The following ZNF384 variants were observed in gnomAD, a reference collection of about 807,000 sequenced individuals.
ZNF384 encodes CAG repeat protein 1.
A neutral mutation model predicts 65.0 loss-of-function variants in ZNF384; 20 were observed. The observed-to-expected ratio is 0.31, with a 90% CI of 0.22 to 0.45. ZNF384 has a LOEUF of 0.45. Among genes scored for constraint, ZNF384 ranks in the 20% least tolerant of loss-of-function variants. The pLI is 1.00. For missense variants in ZNF384, 549 were observed against 769.4 expected (o/e 0.71, Z 3.39); for synonymous variants, 310 against 303.9 (o/e 1.02, Z -0.21).
rs1477597948 is a variant in ZNF384, at chr12:6,672,387, C to T, written c.1150G>A (p.Ala384Thr). 1.2e-6 allele frequency: 2 copies of T among 1,613,962 alleles called. No individual in the cohort carries two copies. The highest frequency in any genetic ancestry group is 1.7e-4 in the Middle Eastern group (1 of 6,058). Residue 384 changes from alanine to threonine, a missense_variant, in exon 9 of 12, where the codon GCC becomes ACC. Physicochemically the swap from Ala to Thr is moderately conservative, Grantham distance 58. This residue lies in a region of ZNF384 where 59 missense variants were observed against 63.6 expected (regional missense o/e 0.93). Transcript: ENST00000683879. This position sits in a 1 kb window ranked among gnomAD's most constrained non-coding sequence, Gnocchi z 4.4. Reference sequence around the variant, plus strand: ...TGGAGGTGGGAGAGCTGGCGGAAGGCCTTCTGGCAGTAGGAACAGTTGTAG... The same window carrying T: ...TGGAGGTGGGAGAGCTGGCGGAAGGTCTTCTGGCAGTAGGAACAGTTGTAG... Reference protein sequence around the residue: ...KPYNCSYCQKAFRQLSHLQQH... With the variant: ...KPYNCSYCQKTFRQLSHLQQH...
rs1178539044 is a variant in ZNF384 at position 6,677,305 on chromosome 12, A to G, written c.687-46T>C. ...CCCATCTGGGTACACTAAGGAACTA[A>G]GGACAGACCCAGACTCCCAGCCATG... On this transcript the variant is annotated intron_variant, in intron 6 of 11. Coordinates refer to ENST00000683879, the MANE Select transcript of ZNF384 (RefSeq NM_001385745.1). 2.3e-6 allele frequency: 3 copies of G among 1,285,890 alleles called. No homozygotes were observed. In the Admixed American group the frequency reaches 7.7e-5, roughly 33 times the overall value. The allele number at this position is 1,285,890 out of a possible 1,614,324, so 79.7% of individuals were successfully genotyped here.
chr12:6,678,063 G>A lies in ZNF384; in HGVS notation c.686+64C>T. ...CCTGACCGGGGCAGAACACAATGAG[G>A]GTACAGGGAGAATCACCAAGCCAGG... On this transcript the variant is annotated intron_variant, in intron 6 of 11. Transcript: ENST00000683879. The surrounding 1 kb of genome is among the most constrained non-coding windows in gnomAD (Gnocchi z 4.9). 2 of 1,469,790 alleles carry A rather than the reference G, an allele frequency of 1.4e-6. No homozygotes were observed. The highest frequency in any genetic ancestry group is 1.9e-6 in the Non-Finnish European group (2 of 1,069,278). The allele number at this position is 1,469,790 out of a possible 1,614,324, so 91.0% of individuals were successfully genotyped here.
At chr12:6,689,052 G>A (rs1322836018) in intron 1 of ZNF384, 46 bp downstream of exon 1, 3 of 152,446 alleles carry the variant, frequency 2.0e-5, no homozygotes, top group Admixed American at 1.3e-4. Context: ...GAGGGGGGAG[G>A]AGCAAGCAGC....
chr12:6,678,973 C>T lies in ZNF384; in HGVS notation c.277G>A (p.Val93Met). 1.2e-6 allele frequency: 2 copies of T among 1,614,016 alleles called. No individual in the cohort carries two copies. The highest frequency in any genetic ancestry group is 1.7e-6 in the Non-Finnish European group (2 of 1,179,966). Residue 93 changes from valine (V) to methionine (M), a missense_variant, in exon 4 of 12, where the codon GTG becomes ATG. By Grantham distance (21) the Val-to-Met change is conservative. Coordinates refer to ENST00000683879, the MANE Select transcript of ZNF384 (RefSeq NM_001385745.1). This position sits in a 1 kb window ranked among gnomAD's most constrained non-coding sequence, Gnocchi z 4.9. The part of the protein sequence containing the change: ...SVTQNITVVP[V>M]PSTGLMTAGV... Reference sequence around the variant, plus strand: ...GCAGTCATCAGTCCTGTAGACGGCACAGGGACCACCGTGATATTCTGGGTA... The same window carrying T: ...GCAGTCATCAGTCCTGTAGACGGCATAGGGACCACCGTGATATTCTGGGTA...
chr12:6,686,539 C>A (rs369232913), intron 2 of ZNF384, among the ~76,000 whole-genome samples: 1 of 152,228 alleles, frequency 6.6e-6, no homozygotes, highest in South Asian at 2.1e-4. Flanking sequence ...CAGGCGTAAG[C>A]CACCGTGCCC....
rs781364024 is a variant in ZNF384 at position 6,667,993 on chromosome 12, CTGAGCCTGGGCTTGAGCT to C, written c.1530_1547del (p.Gln522_Ala527del). 6.2e-6 allele frequency: 10 copies of C among 1,612,842 alleles called. No individual in the cohort carries two copies. In the East Asian group the frequency reaches 2.0e-4, roughly 32 times the overall value. On this transcript the variant is annotated inframe_deletion, in exon 12 of 12. Transcript: ENST00000683879. ...CCTGGGCCTGGGCTTGAGCCTGAGCCTGAGCCTGGGCTTGAGCTTGAGCCTGGGCCTGGGCCACTGCTG... is the reference window on the plus strand; with the variant it reads ...CCTGGGCCTGGGCTTGAGCCTGAGCCTGAGCCTGGGCCTGGGCCACTGCTG...
intron 2 of ZNF384, among the ~76,000 whole-genome samples, chr12:6,683,885 C>T (rs180911261): frequency 4.6e-5 from 7 of 152,040 alleles, no homozygotes; most frequent in South Asian, 4.2e-4. Flanking sequence ...GGCATGGTGG[C>T]GCACGCCTGT....
At chr12:6,669,003 G>A (rs1169377326) in intron 11 of ZNF384, 28 bp downstream of exon 11, 1 of 1,581,644 alleles carries the variant, frequency 6.3e-7, no homozygotes, top group Non-Finnish European at 8.6e-7. Flanking sequence ...AGGACTATGA[G>A]GAAGGAGAGA....
At chr12:6,670,691 A>T in intron 10 of ZNF384, 69 bp downstream of exon 10, 1 of 1,464,698 alleles carries the variant, frequency 6.8e-7, no homozygotes, top group Non-Finnish European at 9.6e-7. Context: ...AACATTTGAG[A>T]ACCACGATAC....
In ZNF384 at chr12:6,678,484, T is replaced by C; in HGVS notation, c.353-24A>G. ...ACCTAGGATTGGGAGAAAAAGGAGA[T>C]GGCGTCATGTTGTTCAGTCCTGATC... is the stretch of plus-strand genomic sequence containing the variant. On this transcript the variant is annotated intron_variant, in intron 5 of 11. Coordinates refer to ENST00000683879, the MANE Select transcript of ZNF384 (RefSeq NM_001385745.1). This position sits in a 1 kb window ranked among gnomAD's most constrained non-coding sequence, Gnocchi z 4.9. 6.4e-7 allele frequency: 1 copy of C among 1,563,366 alleles called. No individual in the cohort carries two copies. Among genetic ancestry groups the C allele is most frequent in the Non-Finnish European group, 8.7e-7 (1 of 1,150,652 alleles).
At chr12:6,689,544 C>G (rs1959174505), upstream of ZNF384, 1 of 152,294 alleles carries the variant, frequency 6.6e-6, no homozygotes, top group Admixed American at 6.5e-5. Context: ...GAAAGAGGGG[C>G]GTGCAGAAGC....
At chr12:6,681,959 T>A (rs894924711) in intron 2 of ZNF384, among the ~76,000 whole-genome samples, 1 of 152,088 alleles carries the variant, frequency 6.6e-6, no homozygotes, top group Non-Finnish European at 1.5e-5. Context: ...CAGTATCTGA[T>A]ACAGGTACTA....
intron 2 of ZNF384, among the ~76,000 whole-genome samples, chr12:6,685,730 T>A (rs918309382): frequency 3.0e-4 from 37 of 124,448 alleles, no homozygotes; most frequent in Admixed American, 1.2e-3. Context: ...TGAAAGGAGA[T>A]CAGACCACTG....
chr12:6,671,727 A>T (rs1951571522), intron 9 of ZNF384: 1 of 152,500 alleles, frequency 6.6e-6, no homozygotes. Context: ...CATCACTTCT[A>T]GTTGGCAGGT....
chr12:6,672,166 A>C lies in ZNF384; in HGVS notation c.1187+184T>G. ...CCCCGACGTAGCTCTTGCCCCAGAG[A>C]AGCTCTGTGTCCACTTGAATCTCCA... On this transcript the variant is annotated intron_variant, in intron 9 of 11. Coordinates refer to ENST00000683879, the MANE Select transcript of ZNF384 (RefSeq NM_001385745.1). This position sits in a 1 kb window ranked among gnomAD's most constrained non-coding sequence, Gnocchi z 4.4. The C allele has an allele frequency of 3.2e-6, 2 of 618,060 alleles. No homozygotes were observed. The highest frequency in any genetic ancestry group is 2.8e-6 in the Non-Finnish European group (1 of 357,528). The allele number at this position is 618,060 out of a possible 1,614,324, so 38.3% of individuals were successfully genotyped here. A position where few individuals can be genotyped will look rare whatever the true frequency, so the allele number is the denominator to read the frequency against.
chr12:6,666,687 TG>T lies in ZNF384; in HGVS notation c.*1026del, dbSNP rs1949862553. 1 of 150,578 alleles carries T rather than the reference TG, an allele frequency of 6.6e-6. No homozygotes were observed. The highest frequency in any genetic ancestry group is 1.4e-5 in the Non-Finnish European group (1 of 71,886). 9.3% of individuals were successfully genotyped at this position (150,578 alleles called of 1,614,324 possible). A position where few individuals can be genotyped will look rare whatever the true frequency, so the allele number is the denominator to read the frequency against. ...AAATGCTGTGGCTAGAGGACAGGGG[TG>T]GAGAGAGGGAAAAAAAGGACAAAAA... On this transcript the variant is annotated 3_prime_UTR_variant, in exon 12 of 12. Transcript: ENST00000683879.
intron 2 of ZNF384, among the ~76,000 whole-genome samples, chr12:6,681,211 C>CAAA (rs199629450): frequency 7.7e-5 from 5 of 65,346 alleles, no homozygotes; most frequent in Non-Finnish European, 6.4e-5. Flanking sequence ...AACGCCATCT[C>CAAA]AAAAAAAAAA....
chr12:6,675,722 A>G (rs1353098873), intron 7 of ZNF384, among the ~76,000 whole-genome samples: 1 of 152,226 alleles, frequency 6.6e-6, no homozygotes, highest in East Asian at 1.9e-4. Flanking sequence ...AATGGCCTTG[A>G]TTATAATAAT....
At chr12:6,668,153 G>A (rs758001929) in intron 11 of ZNF384, 38 bp from the exon 12 acceptor site, 3 of 1,527,682 alleles carry the variant, frequency 2.0e-6, no homozygotes, top group African/African-American at 2.8e-5. Context: ...GGGATAAAGA[G>A]GAAGGAAAAG....
Sources: gnomAD v4.1 joint callset for allele counts (sites outside exome capture counted in the v4.1 genomes callset) on GRCh38, gnomAD v4.1.1 for gene constraint, gnomAD v4.1.1 regional missense constraint, Gnocchi (gnomAD v3.1) non-coding constraint, MANE v1.5 for transcripts, NCBI Gene and HGNC (gene_info 2026-07-23, HGNC 2026-07-21) for gene names.